AGMO: variants seen among roughly 807,000 people sequenced by gnomAD.
AGMO encodes the protein alkylglycerol monooxygenase, also known as glyceryl-ether monooxygenase.
In AGMO, 75 loss-of-function variants were observed where a neutral mutation model predicts 60.2. That is an observed-to-expected ratio of 1.25 (90% CI 1.03 to 1.51). The LOEUF (loss-of-function observed/expected upper bound fraction) is 1.51, where lower values mean the gene tolerates loss of function less well. Ranked by LOEUF, AGMO falls within the 40% of genes most tolerant of loss-of-function variation. The pLI is 0.00. For missense variants in AGMO, 763 were observed against 525.5 expected (o/e 1.45, Z -4.42); for synonymous variants, 261 against 177.1 (o/e 1.47, Z -3.76).
the AGMO span, among the ~76,000 whole-genome samples, chr7:15,166,556 G>A: frequency 6.6e-6 from 1 of 152,160 alleles, no homozygotes; most frequent in Non-Finnish European, 1.5e-5. Flanking sequence ...AGTAGGAACA[G>A]GATCCATCTT....
At chr7:15,182,746 C>T in the AGMO span, among the ~76,000 whole-genome samples, 166 of 152,092 alleles carry the variant, frequency 1.1e-3, 2 homozygotes, top group African/African-American at 3.8e-3. Context: ...TAATGGGTTC[C>T]GACATTGCTA....
intron 12 of AGMO, among the ~76,000 whole-genome samples, chr7:15,261,052 C>G (rs1583338643): frequency 6.6e-6 from 1 of 152,000 alleles, no homozygotes; most frequent in Non-Finnish European, 1.5e-5. Flanking sequence ...TAAATACCTA[C>G]ATCAAAAAGT....
At chr7:15,423,966 C>T (rs1266224138) in intron 4 of AGMO, among the ~76,000 whole-genome samples, 1 of 152,152 alleles carries the variant, frequency 6.6e-6, no homozygotes, top group East Asian at 1.9e-4. Context: ...AATTAATACA[C>T]ATGCCATACA....
At chr7:15,133,091 T>A in the AGMO span, among the ~76,000 whole-genome samples, 3 of 152,206 alleles carry the variant, frequency 2.0e-5, no homozygotes, top group Non-Finnish European at 4.4e-5. Context: ...TTCTTGTAAC[T>A]TACTCCATTT....
the AGMO span, among the ~76,000 whole-genome samples, chr7:15,154,995 T>G: frequency 3.5e-3 from 526 of 152,336 alleles, 3 homozygotes; most frequent in Non-Finnish European, 4.5e-3. Flanking sequence ...TCTCTTTGTA[T>G]GTGATCTGCC....
intron 12 of AGMO, among the ~76,000 whole-genome samples, chr7:15,319,471 TAAAC>T (rs1001406649): frequency 6.6e-5 from 10 of 152,184 alleles, no homozygotes; most frequent in Admixed American, 5.2e-4. Context: ...ATGAAATAAA[TAAAC>T]AAAGCTTTGC....
chr7:15,498,824 A>G (rs1783303914), intron 3 of AGMO, among the ~76,000 whole-genome samples: 1 of 151,918 alleles, frequency 6.6e-6, no homozygotes, highest in African/African-American at 2.4e-5. Flanking sequence ...TACTTTCTGA[A>G]GACATCTCTT....
chr7:15,387,317 T>C (rs1783956200), intron 9 of AGMO, 89 bp downstream of exon 9: 1 of 1,416,164 alleles, frequency 7.1e-7, no homozygotes, highest in Non-Finnish European at 9.6e-7. Context: ...TTTACAGATT[T>C]GCATGAAAAC....
chr7:15,506,480 T>A (rs1185068095), intron 3 of AGMO, among the ~76,000 whole-genome samples: 4 of 152,062 alleles, frequency 2.6e-5, no homozygotes, highest in Non-Finnish European at 5.9e-5. Flanking sequence ...TCGGCATTAT[T>A]CCTGGAGGAC....
At chr7:15,445,323 T>G (rs2080979832) in intron 3 of AGMO, among the ~76,000 whole-genome samples, 1 of 152,174 alleles carries the variant, frequency 6.6e-6, no homozygotes, top group African/African-American at 2.4e-5. Flanking sequence ...TTCAAAACTA[T>G]ATTGGACACA....
intron 5 of AGMO, among the ~76,000 whole-genome samples, chr7:15,407,228 A>AATATATATATATATAT (rs1332532741): frequency 1.4e-5 from 1 of 72,434 alleles, no homozygotes; most frequent in African/African-American, 4.5e-5. Context: ...CTTTCTTTGG[A>AATATATATATATATAT]ATACATATAT....
At chr7:15,119,802 C>G in the AGMO span, among the ~76,000 whole-genome samples, 1 of 152,074 alleles carries the variant, frequency 6.6e-6, no homozygotes, top group Non-Finnish European at 1.5e-5. Flanking sequence ...TATTTTATAT[C>G]TTACAGAGAA....
At chr7:15,451,853 G>C (rs1781863841) in intron 3 of AGMO, among the ~76,000 whole-genome samples, 1 of 152,096 alleles carries the variant, frequency 6.6e-6, no homozygotes, top group Non-Finnish European at 1.5e-5. Context: ...TGGGAAGGAA[G>C]GTACAGAACA....
intron 12 of AGMO, among the ~76,000 whole-genome samples, chr7:15,288,268 G>A (rs897421777): frequency 2.6e-5 from 4 of 151,824 alleles, no homozygotes; most frequent in African/African-American, 9.7e-5. Context: ...TCCTGACCTC[G>A]AAAATACAGT....
At position 15,453,034 on chromosome 7, in the gene AGMO, A is replaced by T. The variant is rs541206167; in HGVS notation, c.410-21926T>A. ...TCAAAATAGGCAACTCCACAAAGACAGAAAGTAGATTAGCGGCTGCCAAGG... is the reference window on the plus strand; with the variant it reads ...TCAAAATAGGCAACTCCACAAAGACTGAAAGTAGATTAGCGGCTGCCAAGG... On this transcript the variant is annotated intron_variant, in intron 3 of 12. Transcript: ENST00000342526. Among the ~76,000 whole-genome samples, 3 of 152,270 alleles carry T rather than the reference A, an allele frequency of 2.0e-5. No homozygotes were observed. The South Asian group carries it at 6.2e-4, about 32-fold the overall frequency.
At chr7:15,429,539 C>A (rs1781168589) in intron 4 of AGMO, among the ~76,000 whole-genome samples, 2 of 151,916 alleles carry the variant, frequency 1.3e-5, no homozygotes. Flanking sequence ...CTTGTGGCCT[C>A]CAGACCAGTG....
chr7:15,250,745 G>T (rs1421680494), intron 12 of AGMO, among the ~76,000 whole-genome samples: 2 of 152,052 alleles, frequency 1.3e-5, no homozygotes, highest in Non-Finnish European at 2.9e-5. Context: ...TTCCAGACCA[G>T]ACTGGCCAAC....
intron 12 of AGMO, among the ~76,000 whole-genome samples, chr7:15,246,047 G>A (rs1004732260): frequency 6.6e-6 from 1 of 150,998 alleles, no homozygotes; most frequent in Non-Finnish European, 1.5e-5. Context: ...ATCACTGAAG[G>A]CTTAAAAAAA....
chr7:15,307,120 G>A (rs896873583), intron 12 of AGMO, among the ~76,000 whole-genome samples: 41 of 152,056 alleles, frequency 2.7e-4, no homozygotes, highest in African/African-American at 9.4e-4. Context: ...TAGTAATGAT[G>A]ATGACATTCA....
Sources: gnomAD v4.1 joint callset for allele counts (sites outside exome capture counted in the v4.1 genomes callset) on GRCh38, gnomAD v4.1.1 for gene constraint, MANE v1.5 for transcripts, NCBI Gene and HGNC (gene_info 2026-07-23, HGNC 2026-07-21) for gene names.